Variants in ATXN10 observed in about 807,000 individuals in gnomAD.
The protein encoded by ATXN10 is ataxin-10.
In ATXN10, 28 loss-of-function variants were observed where a neutral mutation model predicts 52.9. The ratio of observed to expected loss-of-function variants is 0.53; its 90% CI spans 0.39 to 0.73. The LOEUF (loss-of-function observed/expected upper bound fraction) is 0.73. Ranked by LOEUF, ATXN10 falls within the 30% of genes least tolerant of loss-of-function variation. ATXN10 has a pLI of 0.00. For missense variants in ATXN10, 565 were observed against 577.0 expected (o/e 0.98, Z 0.21); for synonymous variants, 226 against 221.5 (o/e 1.02, Z -0.18).
intron 9 of ATXN10, among the ~76,000 whole-genome samples, chr22:45,760,152 C>T (rs1601629272): frequency 6.6e-6 from 1 of 152,172 alleles, no homozygotes; most frequent in African/African-American, 2.4e-5. Flanking sequence ...TACTGGTGGC[C>T]TAGCTCAACT....
At chr22:45,793,919 A>G (rs2146868728) in intron 9 of ATXN10, 1 of 1,195,288 alleles carries the variant, frequency 8.4e-7, no homozygotes, top group Non-Finnish European at 1.1e-6. Flanking sequence ...TGCTCCTTGC[A>G]GAGCAGGGCT....
rs534252083 is a variant in ATXN10 at position 45,783,276 on chromosome 22, G to A, written c.1174-23683G>A. Among the ~76,000 whole-genome samples the A allele has an allele frequency of 2.0e-4, 31 of 152,278 alleles. No individual in the cohort carries two copies. The highest frequency in any genetic ancestry group is 7.2e-4 in the African/African-American group (30 of 41,560). On this transcript the variant is annotated intron_variant, in intron 9 of 11. Transcript: ENST00000252934. The surrounding 1 kb of genome is among the most constrained non-coding windows in gnomAD (Gnocchi z 5.0). ...GGAGGATTCAAGCCCTGGGAGGGATGGTGAGAGATTTTCTCATGCTCCTCA... is the reference window on the plus strand; with the variant it reads ...GGAGGATTCAAGCCCTGGGAGGGATAGTGAGAGATTTTCTCATGCTCCTCA...
At position 45,758,415 on chromosome 22, in the gene ATXN10, A is replaced by G. The variant is rs1926254002; in HGVS notation, c.1173+17877A>G. Among the ~76,000 whole-genome samples the G allele has an allele frequency of 2.0e-5, 3 of 152,380 alleles. No homozygotes were observed. In the South Asian group the frequency reaches 6.2e-4, roughly 32 times the overall value. Reference sequence around the variant, plus strand: ...ATTACATATTCATGGCTTGAGCTATAGCCACTGACTTTGTGCTTGGAACAA... The same window carrying G: ...ATTACATATTCATGGCTTGAGCTATGGCCACTGACTTTGTGCTTGGAACAA... On this transcript the variant is annotated intron_variant, in intron 9 of 11. Transcript: ENST00000252934.
At chr22:45,751,484 A>G (rs1344546341) in intron 9 of ATXN10, among the ~76,000 whole-genome samples, 1 of 151,864 alleles carries the variant, frequency 6.6e-6, no homozygotes, top group Non-Finnish European at 1.5e-5. Flanking sequence ...TATAAAGATC[A>G]TTCTTCCACT....
rs926893702 is a variant in ATXN10, at chr22:45,787,806, G to A, written c.1174-19153G>A. On this transcript the variant is annotated intron_variant, in intron 9 of 11. Coordinates refer to ENST00000252934, the MANE Select transcript of ATXN10 (RefSeq NM_013236.4). This position sits in a 1 kb window ranked among gnomAD's most constrained non-coding sequence, Gnocchi z 4.2. ...AGTTACCCTGAAAAACAATCAGCGG[G>A]CAAATAATTTGATGATCACTGTAAC... Among the ~76,000 whole-genome samples the A allele has an allele frequency of 6.6e-6, 1 of 152,188 alleles. No individual in the cohort carries two copies. The highest frequency in any genetic ancestry group is 2.4e-5 in the African/African-American group (1 of 41,448).
chr22:45,681,447 C>A lies in ATXN10; in HGVS notation c.117-8265C>A, dbSNP rs562017306. Among the ~76,000 whole-genome samples the A allele has an allele frequency of 1.2e-3, 179 of 152,266 alleles. 1 individual carries two copies. The highest frequency in any genetic ancestry group is 4.2e-3 in the African/African-American group (175 of 41,550). On this transcript the variant is annotated intron_variant, in intron 1 of 11. Coordinates refer to ENST00000252934, the MANE Select transcript of ATXN10 (RefSeq NM_013236.4). The surrounding 1 kb of genome is among the most constrained non-coding windows in gnomAD (Gnocchi z 4.2). ...ACCTACAGTCTTTTGACCCTATTTCCTATTTACTACCCCTTTTGTTTTTCA... is the reference window on the plus strand; with the variant it reads ...ACCTACAGTCTTTTGACCCTATTTCATATTTACTACCCCTTTTGTTTTTCA...
chr22:45,821,187 A>G (rs1928634597), intron 10 of ATXN10, among the ~76,000 whole-genome samples: 1 of 152,156 alleles, frequency 6.6e-6, no homozygotes, highest in Non-Finnish European at 1.5e-5. Context: ...AATCAAAACT[A>G]CTTCCTTTGT....
In ATXN10 at chr22:45,671,894, C is replaced by A; in HGVS notation, c.-170C>A. ...TCAGCCTAGAGCTCTCCGGCGGCGG[C>A]GCAGCTTCAGGGCAGCGCGGGCTGC... On this transcript the variant is annotated 5_prime_UTR_variant, in exon 1 of 12. Transcript: ENST00000252934. The A allele has an allele frequency of 1.4e-6, 1 of 699,210 alleles. No homozygotes were observed. Among genetic ancestry groups the A allele is most frequent in the Non-Finnish European group, 2.2e-6 (1 of 445,156 alleles). The allele number at this position is 699,210 out of a possible 1,614,324, so 43.3% of individuals were successfully genotyped here.
Position 45,843,575 on chromosome 22 carries a change from C to A in ATXN10, c.1426-94C>A. 3.3e-6 allele frequency: 4 copies of A among 1,203,950 alleles called. No homozygotes were observed. The highest frequency in any genetic ancestry group is 4.9e-6 in the Non-Finnish European group (4 of 817,418). The allele number at this position is 1,203,950 out of a possible 1,614,324, so 74.6% of individuals were successfully genotyped here. ...GGTTTCTCTAAGTTATTTGTCACCA[C>A]TGACCAAAGTTCTGGGTTTTTTCCC... On this transcript the variant is annotated intron_variant, in intron 11 of 11. Transcript: ENST00000252934. This position sits in a 1 kb window ranked among gnomAD's most constrained non-coding sequence, Gnocchi z 4.5.
In ATXN10 at chr22:45,724,150, G is replaced by A. The variant is rs75797501; in HGVS notation, c.729-5275G>A. On this transcript the variant is annotated intron_variant, in intron 6 of 11. Coordinates refer to ENST00000252934, the MANE Select transcript of ATXN10 (RefSeq NM_013236.4). ...GTGAATTGTTCTGTGATAAACATAC[G>A]CGTGCAGGTGTCTTTTCCTTTGGGT... 2.5e-3 allele frequency among the ~76,000 whole-genome samples: 383 copies of A among 151,956 alleles called. 9 individuals carry two copies. The highest frequency in any genetic ancestry group is 0.02 in the Admixed American group (305 of 15,268).
chr22:45,821,419 T>C (rs929596043), intron 10 of ATXN10, among the ~76,000 whole-genome samples: 5 of 149,522 alleles, frequency 3.3e-5, no homozygotes, highest in African/African-American at 1.2e-4. Context: ...CAGGAAATCC[T>C]AATGGGTTTT....
chr22:45,691,041 A>T (rs1923353788), intron 2 of ATXN10, among the ~76,000 whole-genome samples: 1 of 152,220 alleles, frequency 6.6e-6, no homozygotes. Flanking sequence ...GATTTTTAAG[A>T]TCAAAGGAGA....
chr22:45,689,316 G>A, intron 1 of ATXN10: 1 of 278,822 alleles, frequency 3.6e-6, no homozygotes, highest in Non-Finnish European at 6.9e-6. Context: ...GCAGTCACTG[G>A]AACTGGGATT....
At chr22:45,804,212 AT>A (rs1226583728) in intron 9 of ATXN10, among the ~76,000 whole-genome samples, 2 of 152,176 alleles carry the variant, frequency 1.3e-5, no homozygotes, top group African/African-American at 4.8e-5. Flanking sequence ...AATAGCACTT[AT>A]TAGGTCAGTG....
At position 45,835,424 on chromosome 22, in the gene ATXN10, G is replaced by A. The variant is rs1164888943; in HGVS notation, c.1238-7567G>A. Among the ~76,000 whole-genome samples the A allele has an allele frequency of 6.6e-6, 1 of 152,202 alleles. No homozygotes were observed. Among genetic ancestry groups the A allele is most frequent in the African/African-American group, 2.4e-5 (1 of 41,454 alleles). On this transcript the variant is annotated intron_variant, in intron 10 of 11. Transcript: ENST00000252934. The surrounding 1 kb of genome is among the most constrained non-coding windows in gnomAD (Gnocchi z 5.0). Reference sequence around the variant, plus strand: ...AGCCTTGTACAGAGAGAGGTTTCAGGCTTCAGAGAGGAGGCCTGTGAAGTC... The same window carrying A: ...AGCCTTGTACAGAGAGAGGTTTCAGACTTCAGAGAGGAGGCCTGTGAAGTC...
intron 3 of ATXN10, 25 bp from the exon 4 acceptor site, chr22:45,700,257 A>T: frequency 7.0e-7 from 1 of 1,428,320 alleles, no homozygotes. Context: ...TTATTTATTT[A>T]TTTATAACTT....
At chr22:45,745,814 C>G (rs1422749689) in intron 9 of ATXN10, among the ~76,000 whole-genome samples, 3 of 152,080 alleles carry the variant, frequency 2.0e-5, no homozygotes, top group Non-Finnish European at 4.4e-5. Context: ...TACTACATAT[C>G]AAGTGCACTT....
intron 9 of ATXN10, among the ~76,000 whole-genome samples, chr22:45,747,566 G>A (rs1378883251): frequency 2.0e-5 from 3 of 152,132 alleles, no homozygotes; most frequent in South Asian, 2.1e-4. Flanking sequence ...TTCTGTCATT[G>A]CTTGGCTTGT....
intron 7 of ATXN10, among the ~76,000 whole-genome samples, chr22:45,734,005 A>AT (rs1192422746): frequency 1.3e-5 from 2 of 152,076 alleles, no homozygotes; most frequent in Admixed American, 6.5e-5. Context: ...GTTGAATAAT[A>AT]TTTAACTATA....
Sources: gnomAD v4.1 joint callset for allele counts (sites outside exome capture counted in the v4.1 genomes callset) on GRCh38, gnomAD v4.1.1 for gene constraint, Gnocchi (gnomAD v3.1) non-coding constraint, MANE v1.5 for transcripts, NCBI Gene and HGNC (gene_info 2026-07-23, HGNC 2026-07-21) for gene names.